The following KIF13A variants were observed in gnomAD, a reference collection of about 807,000 sequenced individuals.
KIF13A encodes kinesin family member 13A, also known as kinesin-like protein KIF13A.
Under a neutral mutation model 212.2 loss-of-function variants are expected in KIF13A, and 79 were observed. The observed-to-expected ratio is 0.37, with a 90% CI of 0.31 to 0.45. The LOEUF (loss-of-function observed/expected upper bound fraction) is 0.45, where lower values mean the gene tolerates loss of function less well. Among genes scored for constraint, KIF13A ranks in the 20% least tolerant of loss-of-function variants. The pLI is 1.00. For synonymous variants in KIF13A, 789 were observed against 808.6 expected (o/e 0.98, Z 0.41); for missense variants, 1,901 against 2,209.0 (o/e 0.86, Z 2.79).
chr6:17,781,066 T>C (rs1213465256), intron 30 of KIF13A, 111 bp downstream of exon 30: 1 of 1,446,304 alleles, frequency 6.9e-7, no homozygotes, highest in Non-Finnish European at 9.5e-7. Flanking sequence ...TTCTATTTTT[T>C]AAAGTCCCCG....
At position 17,987,154 on chromosome 6, in the gene KIF13A, G is replaced by C. The variant is rs1781641410; in HGVS notation, c.56-10C>G. The C allele has an allele frequency of 1.9e-6, 3 of 1,603,620 alleles. No individual in the cohort carries two copies. Among genetic ancestry groups the C allele is most frequent in the Non-Finnish European group, 1.7e-6 (2 of 1,171,718 alleles). On this transcript the variant is annotated splice_polypyrimidine_tract_variant and intron_variant, in intron 1 of 38. Transcript: ENST00000259711. The surrounding 1 kb of genome is among the most constrained non-coding windows in gnomAD (Gnocchi z 7.7). Reference sequence around the variant, plus strand: ...GTGTTCAGTTCCAGTTCTGAAAGCAGAGAGAAAGGGACGTTGCAAAGTCCA... The same window carrying C: ...GTGTTCAGTTCCAGTTCTGAAAGCACAGAGAAAGGGACGTTGCAAAGTCCA...
chr6:17,901,138 G>C, intron 2 of KIF13A, among the ~76,000 whole-genome samples: 1 of 146,512 alleles, frequency 6.8e-6, no homozygotes, highest in South Asian at 2.3e-4. Context: ...ACACTTTTGA[G>C]TGCAGGGAAG....
rs1256459765 is a variant in KIF13A, at chr6:17,850,760, A to G, written c.583-303T>C. On this transcript the variant is annotated intron_variant, in intron 7 of 38. Coordinates refer to ENST00000259711, the MANE Select transcript of KIF13A (RefSeq NM_022113.6). This position sits in a 1 kb window ranked among gnomAD's most constrained non-coding sequence, Gnocchi z 6.2. Reference sequence around the variant, plus strand: ...TATTTATTGAGCACTCCGATAATCAATAATAGCAGTGACTTGATTTAACTC... The same window carrying G: ...TATTTATTGAGCACTCCGATAATCAGTAATAGCAGTGACTTGATTTAACTC... 6.6e-6 allele frequency among the ~76,000 whole-genome samples: 1 copy of G among 152,108 alleles called. No homozygotes were observed. The highest frequency in any genetic ancestry group is 1.9e-4 in the East Asian group (1 of 5,190).
At chr6:17,845,970 G>C (rs867322786) in intron 9 of KIF13A, among the ~76,000 whole-genome samples, 42 of 147,730 alleles carry the variant, frequency 2.8e-4, no homozygotes, top group African/African-American at 1.0e-3. Context: ...TCCATCCAAA[G>C]AAACGTTAAG....
At chr6:17,925,228 G>C (rs1775400544) in intron 2 of KIF13A, among the ~76,000 whole-genome samples, 1 of 152,208 alleles carries the variant, frequency 6.6e-6, no homozygotes, top group Non-Finnish European at 1.5e-5. Flanking sequence ...GATGTATTCT[G>C]AAGTTAGAGC....
rs1482338731 is a variant in KIF13A, at chr6:17,898,655, TA to T, written c.147-476del. 5.3e-5 allele frequency among the ~76,000 whole-genome samples: 8 copies of T among 152,156 alleles called. No homozygotes were observed. The highest frequency in any genetic ancestry group is 1.0e-4 in the Non-Finnish European group (7 of 68,020). On this transcript the variant is annotated intron_variant, in intron 2 of 38. Coordinates refer to ENST00000259711, the MANE Select transcript of KIF13A (RefSeq NM_022113.6). This position sits in a 1 kb window ranked among gnomAD's most constrained non-coding sequence, Gnocchi z 5.2. ...AATATATGTGGGAGTTTTTCTCATTTAAAAACCATGGTTTTAAATAACTCAT... is the reference window on the plus strand; with the variant it reads ...AATATATGTGGGAGTTTTTCTCATTTAAAACCATGGTTTTAAATAACTCAT...
At chr6:17,867,787 T>C (rs1769559827) in intron 4 of KIF13A, among the ~76,000 whole-genome samples, 1 of 152,254 alleles carries the variant, frequency 6.6e-6, no homozygotes, top group African/African-American at 2.4e-5. Flanking sequence ...TTGGCTACTG[T>C]TGGCTTTTAG....
intron 2 of KIF13A, among the ~76,000 whole-genome samples, chr6:17,975,435 C>T (rs1035931612): frequency 2.0e-5 from 3 of 152,218 alleles, no homozygotes; most frequent in Non-Finnish European, 2.9e-5. Context: ...TTCGTGATCT[C>T]GCTAGCTTAC....
rs1233007868 is a variant in KIF13A at position 17,984,078 on chromosome 6, A to T, written c.146+2976T>A. Among the ~76,000 whole-genome samples the T allele has an allele frequency of 1.3e-5, 2 of 152,234 alleles. No homozygotes were observed. Among genetic ancestry groups the T allele is most frequent in the Non-Finnish European group, 2.9e-5 (2 of 68,042 alleles). On this transcript the variant is annotated intron_variant, in intron 2 of 38. Transcript: ENST00000259711. This position sits in a 1 kb window ranked among gnomAD's most constrained non-coding sequence, Gnocchi z 5.0. Reference sequence around the variant, plus strand: ...TGCAGGAGCATGAGGTACAAAGAGAAGTAGGATAAGGTACCTACCTGCCTT... The same window carrying T: ...TGCAGGAGCATGAGGTACAAAGAGATGTAGGATAAGGTACCTACCTGCCTT...
intron 32 of KIF13A, 116 bp downstream of exon 32, chr6:17,779,476 T>C (rs1284216001): frequency 4.2e-6 from 2 of 481,146 alleles, no homozygotes; most frequent in Non-Finnish European, 7.7e-6. Context: ...TTCTCCATGT[T>C]GGTCAGGCTG....
At chr6:17,905,105 C>T (rs1306572597) in intron 2 of KIF13A, among the ~76,000 whole-genome samples, 1 of 152,216 alleles carries the variant, frequency 6.6e-6, no homozygotes, top group Non-Finnish European at 1.5e-5. Context: ...TTTCTTAAAA[C>T]ATTATGAGAT....
rs73371136 is a variant in KIF13A at position 17,817,743 on chromosome 6, C to G, written c.1787-510G>C. Among the ~76,000 whole-genome samples the G allele has an allele frequency of 6.7e-3, 1,027 of 152,318 alleles. 10 individuals are homozygous for G. The highest frequency in any genetic ancestry group is 0.023 in the African/African-American group (971 of 41,566). On this transcript the variant is annotated intron_variant, in intron 16 of 38. Transcript: ENST00000259711. ...ATTTCTCTAAGTGGGAGGAAACTTA[C>G]AGATCACAGCACATGTTTGAAAATA...
chr6:17,945,810 T>C (rs1777338306), intron 2 of KIF13A, among the ~76,000 whole-genome samples: 1 of 152,148 alleles, frequency 6.6e-6, no homozygotes, highest in African/African-American at 2.4e-5. Flanking sequence ...AGTACTGCAG[T>C]GTGGCACTGC....
Position 17,819,788 on chromosome 6 carries a change from A to G in KIF13A, c.1787-2555T>C, listed in dbSNP as rs191023694. On this transcript the variant is annotated intron_variant, in intron 16 of 38. Transcript: ENST00000259711. ...GGCATCTGAAGACATTTTAAATGTA[A>G]GCTCTAGAGAAGAAAAGTTCTTTCA... Among the ~76,000 whole-genome samples, 140 of 152,316 alleles carry G rather than the reference A, an allele frequency of 9.2e-4. 2 individuals are homozygous for G. The highest frequency in any genetic ancestry group is 3.2e-3 in the African/African-American group (133 of 41,576).
intron 2 of KIF13A, chr6:17,950,765 A>ACC: frequency 1.0e-6 from 1 of 981,026 alleles, no homozygotes; most frequent in Non-Finnish European, 1.2e-6. Context: ...ACCCTTATCC[A>ACC]CCCAACTAGA....
Position 17,831,226 on chromosome 6 carries a change from G to A in KIF13A, c.1276C>T (p.Arg426Ter). The change falls in exon 13 of 39, where the codon CGA (arginine) becomes TGA (stop). Residue 426 changes from arginine (R) to a stop codon, truncating the protein, a stop_gained. Coordinates refer to ENST00000259711, the MANE Select transcript of KIF13A (RefSeq NM_022113.6). LOFTEE classifies it high-confidence loss of function. The part of the protein sequence containing the change: ...KTEEIAQERQ[R>*]QLESMGISLE... ...GAAATCCCCATGCTTTCAAGTTGTCGTTGTCTTTCCTGTGCACAAAAACAG... is the reference window on the plus strand; with the variant it reads ...GAAATCCCCATGCTTTCAAGTTGTCATTGTCTTTCCTGTGCACAAAAACAG... 1.2e-6 allele frequency: 2 copies of A among 1,612,238 alleles called. No homozygotes were observed. The highest frequency in any genetic ancestry group is 1.7e-6 in the Non-Finnish European group (2 of 1,179,378).
Position 17,783,569 on chromosome 6 carries a change from C to G in KIF13A, c.3544+77G>C. The G allele has an allele frequency of 1.0e-6, 1 of 1,002,978 alleles. No individual in the cohort carries two copies. The highest frequency in any genetic ancestry group is 1.5e-6 in the Non-Finnish European group (1 of 652,712). The allele number at this position is 1,002,978 out of a possible 1,614,324, so 62.1% of individuals were successfully genotyped here. A position where few individuals can be genotyped will look rare whatever the true frequency, so the allele number is the denominator to read the frequency against. On this transcript the variant is annotated intron_variant, in intron 29 of 38. Coordinates refer to ENST00000259711, the MANE Select transcript of KIF13A (RefSeq NM_022113.6). This position sits in a 1 kb window ranked among gnomAD's most constrained non-coding sequence, Gnocchi z 4.3. Reference sequence around the variant, plus strand: ...ATGATTAGAAGAGTGATTTAAGGATCAAAATAATGTGAATCTGGATAGATT... The same window carrying G: ...ATGATTAGAAGAGTGATTTAAGGATGAAAATAATGTGAATCTGGATAGATT...
intron 2 of KIF13A, among the ~76,000 whole-genome samples, chr6:17,957,149 A>G (rs189989672): frequency 6.6e-6 from 1 of 152,266 alleles, no homozygotes; most frequent in African/African-American, 2.4e-5. Flanking sequence ...CTCAAAGTGC[A>G]GGGATTACAA....
At chr6:17,763,423 T>C (rs1396780665), downstream of KIF13A, among the ~76,000 whole-genome samples, 2 of 137,560 alleles carry the variant, frequency 1.5e-5, no homozygotes, top group Non-Finnish European at 3.0e-5. Flanking sequence ...TGAGCCAAGA[T>C]CGTGTCACTG....
Sources: gnomAD v4.1 joint callset for allele counts (sites outside exome capture counted in the v4.1 genomes callset) on GRCh38, gnomAD v4.1.1 for gene constraint, Gnocchi (gnomAD v3.1) non-coding constraint, MANE v1.5 for transcripts, NCBI Gene and HGNC (gene_info 2026-07-23, HGNC 2026-07-21) for gene names.